UTP20: variants seen among roughly 807,000 people sequenced by gnomAD.
UTP20 encodes the protein small subunit processome component 20 homolog.
A neutral mutation model predicts 329.5 loss-of-function variants in UTP20; 164 were observed. The ratio of observed to expected loss-of-function variants is 0.50; its 90% CI spans 0.44 to 0.57. UTP20 has a LOEUF of 0.57. Among genes scored for constraint, UTP20 ranks in the 20% least tolerant of loss-of-function variants. UTP20 has a pLI of 0.00. For missense variants in UTP20, 3,055 were observed against 3,284.2 expected, an observed-to-expected ratio of 0.93 and a Z score of 1.71; for synonymous variants, 1,151 against 1,159.3, an observed-to-expected ratio of 0.99 and a Z score of 0.14.
At chr12:101,325,983 G>A (rs1214646184) in intron 25 of UTP20, among the ~76,000 whole-genome samples, 2 of 152,118 alleles carry the variant, frequency 1.3e-5, no homozygotes, top group East Asian at 3.9e-4. Context: ...GTCAACATTT[G>A]ACATTTCTGC....
chr12:101,308,059 T>C, intron 17 of UTP20, 126 bp from the exon 18 acceptor site: 1 of 830,722 alleles, frequency 1.2e-6, no homozygotes, highest in Non-Finnish European at 1.7e-6. Context: ...AAAGTGTTAC[T>C]TATTTCATTA....
At chr12:101,320,494 T>C (rs1873114228) in intron 23 of UTP20, among the ~76,000 whole-genome samples, 1 of 151,664 alleles carries the variant, frequency 6.6e-6, no homozygotes, top group Non-Finnish European at 1.5e-5. Flanking sequence ...AGGCAGAGGT[T>C]GCAGTGAGTC....
Position 101,306,706 on chromosome 12 carries a change from T to C in UTP20, c.1940T>C (p.Leu647Pro). The C allele has an allele frequency of 6.2e-7, 1 of 1,604,482 alleles. No individual in the cohort carries two copies. Among genetic ancestry groups the C allele is most frequent in the South Asian group, 1.1e-5 (1 of 88,524 alleles). ...NISTGVSKIR[L>P]LTIRILNHFD... ...GCCTTTTACTTTCTCCAGATTCGGC[T>C]TTTGACAATAAGGATCCTAAACCAT... The change falls in exon 17 of 62, where the codon CTT (leucine) becomes CCT (proline). Residue 647 changes from leucine to proline, a missense_variant. Transcript: ENST00000261637.
At chr12:101,284,728 A>G (rs763250344) in intron 2 of UTP20, among the ~76,000 whole-genome samples, 33 of 152,186 alleles carry the variant, frequency 2.2e-4, no homozygotes, top group Non-Finnish European at 3.4e-4. Flanking sequence ...GTTAAGTAAC[A>G]TAGTGGTAAA....
At chr12:101,319,737 C>A in intron 23 of UTP20, 102 bp downstream of exon 23, 1 of 894,918 alleles carries the variant, frequency 1.1e-6, no homozygotes, top group South Asian at 1.7e-5. Context: ...TGAATAGGGC[C>A]CATGTCTACA....
chr12:101,288,152 C>T (rs1045264197), intron 5 of UTP20, among the ~76,000 whole-genome samples: 1 of 152,166 alleles, frequency 6.6e-6, no homozygotes, highest in African/African-American at 2.4e-5. Flanking sequence ...TTCTTTCCTC[C>T]TTTATTTTAT....
Position 101,354,920 on chromosome 12 carries a change from T to C in UTP20, c.5196T>C (p.Ser1732=), listed in dbSNP as rs1401205462. The change falls in exon 41 of 62, where the codon AGT becomes AGC. Residue 1732 remains serine, a synonymous_variant. Coordinates refer to ENST00000261637, the MANE Select transcript of UTP20 (RefSeq NM_014503.3). ...AAGAGAAGGAATATACATGCAAGAGTTTGTCAGACAACGGACAACCGGGAA... is the reference window on the plus strand; with the variant it reads ...AAGAGAAGGAATATACATGCAAGAGCTTGTCAGACAACGGACAACCGGGAA... ...DEEEKEYTCK[S]LSDNGQPGTP... 1 of 1,613,802 alleles carries C rather than the reference T, an allele frequency of 6.2e-7. No homozygotes were observed. The highest frequency in any genetic ancestry group is 1.1e-5 in the South Asian group (1 of 91,060).
chr12:101,342,952 C>T lies in UTP20; in HGVS notation c.4308C>T (p.Phe1436=), dbSNP rs751110666. 67 of 1,612,834 alleles carry T rather than the reference C, an allele frequency of 4.2e-5. No individual in the cohort carries two copies. Among genetic ancestry groups the T allele is most frequent in the Non-Finnish European group, 5.3e-5 (63 of 1,179,744 alleles). ...GGCATTTCTTATAGCTTAACGCCTT[C>T]GATCAAAGACATCTTGATGATATCA... is the stretch of plus-strand genomic sequence containing the variant. ...YITDVVKLNA[F]DQRHLDDINF... The change falls in exon 35 of 62, where the codon TTC becomes TTT. Residue 1436 remains phenylalanine, a synonymous_variant. Transcript: ENST00000261637.
intron 32 of UTP20, among the ~76,000 whole-genome samples, chr12:101,341,000 A>AGTT (rs1869111539): frequency 2.2e-5 from 2 of 91,526 alleles, no homozygotes; most frequent in Non-Finnish European, 4.7e-5. Flanking sequence ...TTTGAGATGG[A>AGTT]GTTTCACTCT....
intron 21 of UTP20, among the ~76,000 whole-genome samples, chr12:101,315,739 T>G (rs563342815): frequency 1.3e-5 from 2 of 152,332 alleles, no homozygotes; most frequent in East Asian, 1.9e-4. Context: ...CACTTATCAG[T>G]TTTTTGAACT....
intron 29 of UTP20, 90 bp downstream of exon 29, chr12:101,334,594 T>C: frequency 9.0e-7 from 1 of 1,107,610 alleles, no homozygotes; most frequent in Non-Finnish European, 1.3e-6. Context: ...GTGTAATTTA[T>C]GGTCTTTCCA....
Position 101,371,186 on chromosome 12 carries a change from AT to A in UTP20, c.6798+19del. On this transcript the variant is annotated intron_variant, in intron 51 of 61. Coordinates refer to ENST00000261637, the MANE Select transcript of UTP20 (RefSeq NM_014503.3). ...GTAGACAGGTTTGTAGAGAGCACTT[AT>A]CCCCATAGCAAGGGCTGGGCCCTGC... The A allele has an allele frequency of 3.2e-6, 5 of 1,574,896 alleles. No homozygotes were observed. Among genetic ancestry groups the A allele is most frequent in the Non-Finnish European group, 4.3e-6 (5 of 1,156,660 alleles).
intron 57 of UTP20, among the ~76,000 whole-genome samples, chr12:101,379,779 AT>A (rs1375376403): frequency 6.6e-6 from 1 of 151,954 alleles, no homozygotes; most frequent in Admixed American, 6.6e-5. Context: ...CAGACTTCTA[AT>A]TTGCTTATTT....
intron 27 of UTP20, 89 bp downstream of exon 27, chr12:101,329,538 C>T: frequency 7.9e-7 from 1 of 1,270,498 alleles, no homozygotes; most frequent in Non-Finnish European, 1.1e-6. Context: ...TATAAGGTAT[C>T]TTCCAACTCT....
chr12:101,373,259 C>A, intron 52 of UTP20, 142 bp from the exon 53 acceptor site: 1 of 782,600 alleles, frequency 1.3e-6, no homozygotes, highest in South Asian at 1.8e-5. Context: ...TGGATACATA[C>A]AAGCATTAAA....
At chr12:101,373,080 C>G (rs1162988019) in intron 52 of UTP20, 117 bp downstream of exon 52, 2 of 845,474 alleles carry the variant, frequency 2.4e-6, no homozygotes, top group Admixed American at 2.2e-5. Flanking sequence ...TCTGAGCATA[C>G]TGTTATATGA....
intron 20 of UTP20, 98 bp downstream of exon 20, chr12:101,311,896 G>T: frequency 6.4e-7 from 1 of 1,552,892 alleles, no homozygotes; most frequent in Non-Finnish European, 8.7e-7. Flanking sequence ...AAACAGAGAT[G>T]AAACATATAT....
chr12:101,339,202 A>G (rs1869039085), intron 31 of UTP20, among the ~76,000 whole-genome samples: 1 of 152,046 alleles, frequency 6.6e-6, no homozygotes, highest in Non-Finnish European at 1.5e-5. Context: ...AATCTCAGCT[A>G]CTCAGGAGAC....
chr12:101,380,684 G>A (rs1207163450), intron 57 of UTP20, among the ~76,000 whole-genome samples: 13 of 151,828 alleles, frequency 8.6e-5, no homozygotes, highest in South Asian at 2.1e-4. Flanking sequence ...CCAACATGGC[G>A]AAACCCCATC....
Sources: allele counts gnomAD v4.1 joint callset (sites outside exome capture counted in the v4.1 genomes callset), GRCh38; gene constraint gnomAD v4.1.1; transcripts MANE v1.5; gene names NCBI Gene and HGNC (gene_info 2026-07-23, HGNC 2026-07-21).